Variants in AKT3 observed in about 807,000 individuals in gnomAD.
AKT3 encodes AKT serine/threonine kinase 3, also known as RAC-gamma serine/threonine-protein kinase.
AKT3 carries 15 observed loss-of-function variants against 65.3 expected under a neutral mutation model. The observed-to-expected ratio is 0.23, with a 90% CI of 0.15 to 0.35. The LOEUF is 0.35. Among genes scored for constraint, AKT3 ranks in the 10% least tolerant of loss-of-function variants. The pLI is 1.00. For synonymous variants in AKT3, 206 were observed against 183.8 expected (o/e 1.12, Z -0.98); for missense variants, 243 against 576.5 (o/e 0.42, Z 5.92).
At chr1:243,547,902 G>A (rs1463542241) in intron 11 of AKT3, 1 of 152,110 alleles carries the variant, frequency 6.6e-6, no homozygotes, top group Non-Finnish European at 1.5e-5. Flanking sequence ...GGCACTTTTA[G>A]GTTTGATCAT....
chr1:243,499,849 CTT>C lies in AKT3; in HGVS notation c.*5398_*5399del. The C allele has an allele frequency of 6.7e-7, 1 of 1,497,818 alleles. No homozygotes were observed. The highest frequency in any genetic ancestry group is 1.7e-4 in the Middle Eastern group (1 of 5,868). The allele number at this position is 1,497,818 out of a possible 1,614,324, so 92.8% of individuals were successfully genotyped here. On this transcript the variant is annotated 3_prime_UTR_variant, in exon 14 of 14. Coordinates refer to ENST00000673466, the MANE Select transcript of AKT3 (RefSeq NM_005465.7). The stretch of plus-strand genomic sequence containing the variant: ...GATATTTACATTCATCTGGTTTAGA[CTT>C]AATATGCCACAACGCACCACGACCT...
At chr1:243,556,538 G>A (rs1337892098) in intron 10 of AKT3, among the ~76,000 whole-genome samples, 1 of 152,114 alleles carries the variant, frequency 6.6e-6, no homozygotes, top group Non-Finnish European at 1.5e-5. Context: ...ATGCCCTGGA[G>A]TGGCTTACTG....
At chr1:243,640,414 G>A (rs996689016) in intron 5 of AKT3, among the ~76,000 whole-genome samples, 1 of 152,082 alleles carries the variant, frequency 6.6e-6, no homozygotes, top group Non-Finnish European at 1.5e-5. Context: ...CTCTCCCCGG[G>A]CTAACCCTGT....
At chr1:243,613,884 A>C (rs1678084934) in intron 7 of AKT3, 145 bp from the exon 8 acceptor site, 1 of 463,386 alleles carries the variant, frequency 2.2e-6, no homozygotes, top group Admixed American at 4.2e-5. Flanking sequence ...ACTACTTAAA[A>C]GTGCTTAAGA....
chr1:243,524,670 G>A (rs1448609961), intron 12 of AKT3, among the ~76,000 whole-genome samples: 1 of 152,282 alleles, frequency 6.6e-6, no homozygotes, highest in Non-Finnish European at 1.5e-5. Context: ...ACAAAACACT[G>A]CTGTGCCACA....
chr1:243,719,272 C>T (rs1030343412), intron 2 of AKT3, among the ~76,000 whole-genome samples: 2 of 152,202 alleles, frequency 1.3e-5, no homozygotes, highest in Admixed American at 6.5e-5. Context: ...ACTCCTACAA[C>T]TCCCAAAATT....
intron 2 of AKT3, among the ~76,000 whole-genome samples, chr1:243,791,998 C>T (rs972975281): frequency 4.6e-5 from 7 of 152,146 alleles, no homozygotes; most frequent in African/African-American, 1.7e-4. Flanking sequence ...TCTATTTTGT[C>T]AAAATGTTTA....
intron 2 of AKT3, among the ~76,000 whole-genome samples, chr1:243,827,204 A>G (rs1282110871): frequency 6.6e-6 from 1 of 152,182 alleles, no homozygotes; most frequent in Non-Finnish European, 1.5e-5. Context: ...GAAAGTGATA[A>G]CTCAGTAGTA....
At chr1:243,688,224 A>C (rs1558721216) in intron 3 of AKT3, among the ~76,000 whole-genome samples, 3 of 152,180 alleles carry the variant, frequency 2.0e-5, no homozygotes, top group Non-Finnish European at 4.4e-5. Flanking sequence ...ATTAAAAACA[A>C]ACACAGGGTT....
At chr1:243,738,498 A>T (rs1466773268) in intron 2 of AKT3, among the ~76,000 whole-genome samples, 2 of 152,208 alleles carry the variant, frequency 1.3e-5, no homozygotes, top group African/African-American at 4.8e-5. Context: ...GTAAACCTTC[A>T]CATGTAAATA....
chr1:243,656,544 G>C (rs1407328187), intron 4 of AKT3, among the ~76,000 whole-genome samples: 1 of 152,168 alleles, frequency 6.6e-6, no homozygotes, highest in Non-Finnish European at 1.5e-5. Flanking sequence ...GGTAATTCTT[G>C]AATGTAGATG....
chr1:243,818,377 A>G (rs943821845), intron 2 of AKT3, among the ~76,000 whole-genome samples: 2 of 152,190 alleles, frequency 1.3e-5, no homozygotes, highest in Non-Finnish European at 2.9e-5. Flanking sequence ...AGACTCCATG[A>G]GGGCAAGTGT....
intron 2 of AKT3, among the ~76,000 whole-genome samples, chr1:243,707,490 G>C (rs1685877719): frequency 6.6e-6 from 1 of 151,740 alleles, no homozygotes; most frequent in South Asian, 2.1e-4. Context: ...ACTAACTATA[G>C]GGCAAAAAAA....
At chr1:243,770,999 A>C (rs1364630336) in intron 2 of AKT3, among the ~76,000 whole-genome samples, 1 of 152,172 alleles carries the variant, frequency 6.6e-6, no homozygotes, top group Non-Finnish European at 1.5e-5. Flanking sequence ...AATCCACATG[A>C]TAATGCATGA....
At chr1:243,783,622 TAAAA>T (rs1234632866) in intron 2 of AKT3, among the ~76,000 whole-genome samples, 1 of 152,094 alleles carries the variant, frequency 6.6e-6, no homozygotes, top group Non-Finnish European at 1.5e-5. Flanking sequence ...TTTTAATTCT[TAAAA>T]AAAATCTGGT....
chr1:243,498,801 C>T (rs540209106), downstream of AKT3, among the ~76,000 whole-genome samples: 22 of 152,346 alleles, frequency 1.4e-4, no homozygotes, highest in Middle Eastern at 0.01. Flanking sequence ...TGGAGAGGGG[C>T]AGGCCCACTT....
At chr1:243,517,256 T>A (rs1558582141) in intron 12 of AKT3, among the ~76,000 whole-genome samples, 1 of 152,234 alleles carries the variant, frequency 6.6e-6, no homozygotes, top group Non-Finnish European at 1.5e-5. Context: ...ATAAATGATC[T>A]GTGACCTTGA....
intron 8 of AKT3, among the ~76,000 whole-genome samples, chr1:243,581,726 A>G (rs926036648): frequency 3.3e-5 from 5 of 152,096 alleles, no homozygotes; most frequent in African/African-American, 4.8e-5. Flanking sequence ...CACTAGCTCT[A>G]CAGAAATGGT....
chr1:243,618,331 A>C (rs1678482595), intron 6 of AKT3, among the ~76,000 whole-genome samples: 1 of 152,148 alleles, frequency 6.6e-6, no homozygotes, highest in Non-Finnish European at 1.5e-5. Flanking sequence ...ATCAGATTAG[A>C]ATTTCTTCCC....
Sources: gnomAD v4.1 joint callset for allele counts (sites outside exome capture counted in the v4.1 genomes callset) on GRCh38, gnomAD v4.1.1 for gene constraint, MANE v1.5 for transcripts, NCBI Gene and HGNC (gene_info 2026-07-23, HGNC 2026-07-21) for gene names.